HDAC4: variants seen among roughly 807,000 people sequenced by gnomAD.
The protein encoded by HDAC4 is histone deacetylase A.
HDAC4 carries 16 observed loss-of-function variants against 135.1 expected under a neutral mutation model. The observed-to-expected ratio is 0.12, with a 90% confidence interval of 0.08 to 0.18. HDAC4 has a LOEUF of 0.18. Ranked by LOEUF, HDAC4 falls within the 10% of genes least tolerant of loss-of-function variation. The pLI, the probability that HDAC4 is intolerant of heterozygous loss-of-function variation, is 1.00. For synonymous variants in HDAC4, 685 were observed against 653.4 expected (o/e 1.05, Z -0.74); for missense variants, 1,143 against 1,511.8 (o/e 0.76, Z 4.05).
At position 239,272,759 on chromosome 2, in the gene HDAC4, C is replaced by T. The variant is rs138888187; in HGVS notation, c.23-36095G>A. Among the ~76,000 whole-genome samples the T allele has an allele frequency of 9.4e-4, 143 of 152,304 alleles. 1 individual carries two copies. Among genetic ancestry groups the T allele is most frequent in the African/African-American group, 2.9e-3 (121 of 41,568 alleles). ...GCGCTGCTGCTGTGGGTGCCCCAGG[C>T]GATGCCCTCTGACTCTGGCAGAGCA... On this transcript the variant is annotated intron_variant, in intron 2 of 26. Coordinates refer to ENST00000543185, the MANE Select transcript of HDAC4 (RefSeq NM_001378414.1).
At chr2:239,342,219 T>G (rs1469744015) in intron 2 of HDAC4, among the ~76,000 whole-genome samples, 1 of 152,078 alleles carries the variant, frequency 6.6e-6, no homozygotes, top group African/African-American at 2.4e-5. Context: ...ATTTTAAAAT[T>G]TAAAATTAAA....
At chr2:239,250,335 C>A (rs954457838) in intron 2 of HDAC4, among the ~76,000 whole-genome samples, 1 of 152,240 alleles carries the variant, frequency 6.6e-6, no homozygotes, top group African/African-American at 2.4e-5. Flanking sequence ...GGTCTCTAAC[C>A]CTGCAGGTGG....
chr2:239,388,645 A>ACCG (rs1354036091), intron 1 of HDAC4, among the ~76,000 whole-genome samples: 2 of 151,928 alleles, frequency 1.3e-5, no homozygotes, highest in Non-Finnish European at 2.9e-5. Flanking sequence ...GTCCTCCACC[A>ACCG]TCCTGTGGGT....
intron 3 of HDAC4, among the ~76,000 whole-genome samples, chr2:239,204,758 C>G (rs948026337): frequency 5.3e-5 from 8 of 152,202 alleles, no homozygotes; most frequent in African/African-American, 7.2e-5. Flanking sequence ...GCATCCAACC[C>G]TCCAGGACAG....
At chr2:239,118,698 C>T (rs181250303) in intron 12 of HDAC4, among the ~76,000 whole-genome samples, 51 of 152,300 alleles carry the variant, frequency 3.3e-4, no homozygotes, top group African/African-American at 1.1e-3. Flanking sequence ...CAAATCATCA[C>T]GCCGTACGCT....
intron 3 of HDAC4, among the ~76,000 whole-genome samples, chr2:239,236,314 G>A (rs1038069307): frequency 1.3e-5 from 2 of 152,172 alleles, no homozygotes; most frequent in Non-Finnish European, 2.9e-5. Flanking sequence ...CCTAAGCCAG[G>A]CAGTTGGTGC....
chr2:239,111,980 T>C (rs2038717566), intron 13 of HDAC4, among the ~76,000 whole-genome samples: 1 of 152,156 alleles, frequency 6.6e-6, no homozygotes, highest in Admixed American at 6.5e-5. Flanking sequence ...CGTGGGATCC[T>C]GCCATGGGTT....
intron 13 of HDAC4, among the ~76,000 whole-genome samples, chr2:239,113,786 T>C (rs1042708683): frequency 3.3e-5 from 5 of 152,194 alleles, no homozygotes; most frequent in Admixed American, 6.5e-5. Context: ...TGGACGAGTG[T>C]TCACCATGAA....
intron 2 of HDAC4, among the ~76,000 whole-genome samples, chr2:239,273,549 T>C (rs937299943): frequency 6.6e-6 from 1 of 152,156 alleles, no homozygotes; most frequent in South Asian, 2.1e-4. Context: ...AAGGAAGGAA[T>C]GAAGCTAGAC....
At chr2:239,112,493 A>G (rs932864148) in intron 13 of HDAC4, among the ~76,000 whole-genome samples, 3 of 152,148 alleles carry the variant, frequency 2.0e-5, no homozygotes, top group Non-Finnish European at 4.4e-5. Context: ...TGGGGCCTAG[A>G]GCAGGCCTGC....
chr2:239,189,673 G>T (rs949545497), intron 4 of HDAC4, among the ~76,000 whole-genome samples, 160 bp downstream of exon 4: 5 of 152,200 alleles, frequency 3.3e-5, no homozygotes, highest in African/African-American at 1.2e-4. Context: ...GCTGCCCGCG[G>T]TTTGTTGCCT....
chr2:239,386,604 G>A (rs957136547), intron 1 of HDAC4, among the ~76,000 whole-genome samples: 3 of 152,214 alleles, frequency 2.0e-5, no homozygotes, highest in African/African-American at 4.8e-5. Flanking sequence ...GCCAGACCAC[G>A]TCTGGGCCTG....
chr2:239,136,597 AGAGAC>A (rs1217902943), intron 9 of HDAC4, among the ~76,000 whole-genome samples: 1 of 152,248 alleles, frequency 6.6e-6, no homozygotes, highest in Non-Finnish European at 1.5e-5. Flanking sequence ...ACCAGAGTGA[AGAGAC>A]GACCTGTGGG....
At chr2:239,132,592 G>T (rs2040668534) in intron 11 of HDAC4, among the ~76,000 whole-genome samples, 2 of 152,218 alleles carry the variant, frequency 1.3e-5, no homozygotes, top group African/African-American at 4.8e-5. Context: ...AGCTGCACCT[G>T]GGAGGAAAAG....
At chr2:239,077,669 T>C (rs547409703) in intron 22 of HDAC4, among the ~76,000 whole-genome samples, 6 of 152,214 alleles carry the variant, frequency 3.9e-5, no homozygotes, top group Non-Finnish European at 8.8e-5. Flanking sequence ...GTATGAAAAC[T>C]TCATAACCCT....
At chr2:239,106,275 G>A (rs1273627265) in intron 15 of HDAC4, among the ~76,000 whole-genome samples, 2 of 152,128 alleles carry the variant, frequency 1.3e-5, no homozygotes, top group East Asian at 1.9e-4. Context: ...CATTTGCTTT[G>A]CTTTTCTGGC....
chr2:239,173,547 A>G (rs2043582116), intron 5 of HDAC4, among the ~76,000 whole-genome samples: 1 of 152,210 alleles, frequency 6.6e-6, no homozygotes, highest in Non-Finnish European at 1.5e-5. Context: ...TAGACAAATG[A>G]GTAAAAAATA....
chr2:239,161,818 AC>A, intron 6 of HDAC4: 1 of 405,970 alleles, frequency 2.5e-6, no homozygotes, highest in Non-Finnish European at 4.9e-6. Context: ...TCTGTTTGCC[AC>A]CCCTCCTCCC....
Position 239,240,436 on chromosome 2 carries a change from C to G in HDAC4, c.23-3772G>C, listed in dbSNP as rs949232125. 2.6e-5 allele frequency among the ~76,000 whole-genome samples: 4 copies of G among 152,232 alleles called. No homozygotes were observed. Among genetic ancestry groups the G allele is most frequent in the African/African-American group, 9.6e-5 (4 of 41,452 alleles). ...TGAGAGGTGGAATTTCCATATTTAT[C>G]TGCCTCTGGGCTGAAATTTCTCAGG... On this transcript the variant is annotated intron_variant, in intron 2 of 26. Coordinates refer to ENST00000543185, the MANE Select transcript of HDAC4 (RefSeq NM_001378414.1). The surrounding 1 kb of genome is among the most constrained non-coding windows in gnomAD (Gnocchi z 4.5).
Sources: gnomAD v4.1 joint callset for allele counts (sites outside exome capture counted in the v4.1 genomes callset) on GRCh38, gnomAD v4.1.1 for gene constraint, Gnocchi (gnomAD v3.1) non-coding constraint, MANE v1.5 for transcripts, NCBI Gene and HGNC (gene_info 2026-07-23, HGNC 2026-07-21) for gene names.